Variants in LGSN observed in about 807,000 individuals in gnomAD.
LGSN encodes the protein lengsin, lens protein with glutamine synthetase domain.
In LGSN, 21 loss-of-function variants were observed where a neutral mutation model predicts 19.5. The observed-to-expected ratio is 1.07, with a 90% CI of 0.76 to 1.55. The LOEUF (loss-of-function observed/expected upper bound fraction) is 1.55, where lower values mean the gene tolerates loss of function less well. Among genes scored for constraint, LGSN ranks in the 40% most tolerant of loss-of-function variants. The probability of loss-of-function intolerance (pLI) is 0.00; values close to 1 mark genes in which losing one functional copy is unlikely to be tolerated. For missense variants in LGSN, 673 were observed against 608.5 expected, an observed-to-expected ratio of 1.11 and a Z score of -1.12; for synonymous variants, 257 against 215.6, an observed-to-expected ratio of 1.19 and a Z score of -1.68.
the LGSN span, chr6:63,571,239 A>G: frequency 3.3e-5 from 5 of 152,220 alleles, no homozygotes; most frequent in Admixed American, 3.3e-4. Flanking sequence ...GTCTCTAAAT[A>G]GAAGTTCTAA....
the LGSN span, among the ~76,000 whole-genome samples, chr6:63,479,253 A>G: frequency 6.6e-6 from 1 of 152,228 alleles, no homozygotes; most frequent in African/African-American, 2.4e-5. Context: ...CCAGATGAAA[A>G]TTTAAGTACT....
chr6:63,336,773 T>C, the LGSN span, among the ~76,000 whole-genome samples: 1 of 150,898 alleles, frequency 6.6e-6, no homozygotes, highest in East Asian at 2.0e-4. Flanking sequence ...AGATTACAGG[T>C]GTGCATTACC....
the LGSN span, among the ~76,000 whole-genome samples, chr6:63,327,980 C>T: frequency 1.3e-5 from 2 of 152,134 alleles, no homozygotes; most frequent in Non-Finnish European, 2.9e-5. Context: ...GTGGGGGTTC[C>T]CAGAGGTTAG....
intron 1 of LGSN, among the ~76,000 whole-genome samples, chr6:63,316,161 C>A (rs928621967): frequency 6.6e-6 from 1 of 152,092 alleles, no homozygotes; most frequent in Admixed American, 6.6e-5. Flanking sequence ...ATCCTCACCA[C>A]TTTTACAAGA....
chr6:63,407,260 C>T, the LGSN span, among the ~76,000 whole-genome samples: 1 of 151,922 alleles, frequency 6.6e-6, no homozygotes, highest in African/African-American at 2.4e-5. Context: ...CCTTGATGAA[C>T]ATTGATGCAA....
chr6:63,356,775 C>T, the LGSN span, among the ~76,000 whole-genome samples: 2 of 152,210 alleles, frequency 1.3e-5, no homozygotes, highest in South Asian at 4.2e-4. Context: ...GACCAATTGT[C>T]TTCCAATCTT....
chr6:63,486,430 G>A, the LGSN span, among the ~76,000 whole-genome samples: 1 of 152,126 alleles, frequency 6.6e-6, no homozygotes, highest in African/African-American at 2.4e-5. Flanking sequence ...TCAGTCAGTA[G>A]GGAGACAATG....
upstream of LGSN, among the ~76,000 whole-genome samples, chr6:63,324,931 C>A (rs987937058): frequency 4.6e-5 from 7 of 151,536 alleles, no homozygotes; most frequent in Non-Finnish European, 1.0e-4. Flanking sequence ...CATGGTGAAA[C>A]CCCGTCCCTA....
At chr6:63,282,308 A>C (rs536479559) in intron 3 of LGSN, among the ~76,000 whole-genome samples, 1 of 152,236 alleles carries the variant, frequency 6.6e-6, no homozygotes, top group East Asian at 1.9e-4. Context: ...TTAATAAAAC[A>C]CTCTAACAAT....
At chr6:63,429,943 G>A in the LGSN span, among the ~76,000 whole-genome samples, 1 of 152,190 alleles carries the variant, frequency 6.6e-6, no homozygotes, top group African/African-American at 2.4e-5. Context: ...AGGAAAGGAG[G>A]AATAAAGGGA....
At chr6:63,354,213 C>T in the LGSN span, among the ~76,000 whole-genome samples, 22 of 152,172 alleles carry the variant, frequency 1.4e-4, no homozygotes, top group African/African-American at 4.8e-4. Context: ...ACACAGCCTG[C>T]TGAATGGGAG....
At chr6:63,337,997 T>C in the LGSN span, among the ~76,000 whole-genome samples, 1 of 152,034 alleles carries the variant, frequency 6.6e-6, no homozygotes, top group African/African-American at 2.4e-5. Flanking sequence ...GTGATTCTCC[T>C]GCCTCAGCCT....
the LGSN span, among the ~76,000 whole-genome samples, chr6:63,489,239 AAT>A: frequency 1.3e-5 from 2 of 152,230 alleles, no homozygotes; most frequent in African/African-American, 4.8e-5. Context: ...TTATCCAATA[AAT>A]ACACAATGCT....
At chr6:63,508,445 G>T in the LGSN span, among the ~76,000 whole-genome samples, 1 of 152,048 alleles carries the variant, frequency 6.6e-6, no homozygotes, top group Non-Finnish European at 1.5e-5. Context: ...AAAGTTGTAT[G>T]AATTTATGTA....
the LGSN span, chr6:63,441,242 T>A: frequency 1.5e-5 from 5 of 340,776 alleles, no homozygotes; most frequent in Non-Finnish European, 6.0e-6. Flanking sequence ...TCCCGTCGGA[T>A]TTCTGTGGCC....
the LGSN span, among the ~76,000 whole-genome samples, chr6:63,539,329 T>C: frequency 2.6e-5 from 4 of 152,190 alleles, no homozygotes; most frequent in African/African-American, 9.7e-5. Context: ...ACCTGAAGGA[T>C]TAAACATTAC....
At chr6:63,537,812 G>A in the LGSN span, among the ~76,000 whole-genome samples, 952 of 152,328 alleles carry the variant, frequency 6.2e-3, 2 homozygotes, top group Non-Finnish European at 9.1e-3. Context: ...ATCCTAACCC[G>A]TAGGGCACAA....
the LGSN span, among the ~76,000 whole-genome samples, chr6:63,502,252 T>C: frequency 6.6e-6 from 1 of 152,226 alleles, no homozygotes; most frequent in Non-Finnish European, 1.5e-5. Context: ...GTTAACTATC[T>C]ATTAGAGAAG....
At chr6:63,529,274 T>C in the LGSN span, among the ~76,000 whole-genome samples, 1 of 150,946 alleles carries the variant, frequency 6.6e-6, no homozygotes, top group South Asian at 2.1e-4. Context: ...TTCTCTGGAG[T>C]CTCAGAAAAA....
Sources: allele counts gnomAD v4.1 joint callset (sites outside exome capture counted in the v4.1 genomes callset), GRCh38; gene constraint gnomAD v4.1.1; transcripts MANE v1.5; gene names NCBI Gene and HGNC (gene_info 2026-07-23, HGNC 2026-07-21).